LNPEP: variants seen among roughly 807,000 people sequenced by gnomAD.
LNPEP encodes leucyl-cystinyl aminopeptidase.
LNPEP carries 64 observed loss-of-function variants against 120.6 expected under a neutral mutation model. The ratio of observed to expected loss-of-function variants is 0.53; its 90% confidence interval spans 0.43 to 0.65. The LOEUF (loss-of-function observed/expected upper bound fraction) is 0.65. Among genes scored for constraint, LNPEP ranks in the 30% least tolerant of loss-of-function variants. The pLI is 0.00. For missense variants in LNPEP, 1,057 were observed against 1,200.0 expected (o/e 0.88, Z 1.76); for synonymous variants, 435 against 425.4 (o/e 1.02, Z -0.28).
intron 1 of LNPEP, among the ~76,000 whole-genome samples, chr5:96,972,882 AAGTC>A (rs1789903472): frequency 6.6e-6 from 1 of 152,092 alleles, no homozygotes; most frequent in Non-Finnish European, 1.5e-5. Flanking sequence ...AAGGGAGACA[AAGTC>A]AGGGTGAGGG....
chr5:97,034,649 GT>G lies in LNPEP; in HGVS notation c.*6120del, dbSNP rs1372848345. 6.6e-6 allele frequency: 1 copy of G among 152,028 alleles called. No individual in the cohort carries two copies. Among genetic ancestry groups the G allele is most frequent in the African/African-American group, 2.4e-5 (1 of 41,398 alleles). 9.4% of individuals were successfully genotyped at this position (152,028 alleles called of 1,614,324 possible). The stretch of plus-strand genomic sequence containing the variant: ...AGTATGTGAGCACTACAGGGCTTGG[GT>G]TTTGGTTTTTTGCTTTTGAGGGTTT... On this transcript the variant is annotated 3_prime_UTR_variant, in exon 18 of 18. Coordinates refer to ENST00000231368, the MANE Select transcript of LNPEP (RefSeq NM_005575.3).
chr5:97,031,742 T>C lies in LNPEP; in HGVS notation c.*3209T>C, dbSNP rs1455872805. 5.9e-5 allele frequency: 9 copies of C among 152,324 alleles called. No homozygotes were observed. The highest frequency in any genetic ancestry group is 2.9e-5 in the Non-Finnish European group (2 of 68,092). 9.4% of individuals were successfully genotyped at this position (152,324 alleles called of 1,614,324 possible). A position where few individuals can be genotyped will look rare whatever the true frequency, so the allele number is the denominator to read the frequency against. On this transcript the variant is annotated 3_prime_UTR_variant, in exon 18 of 18. Transcript: ENST00000231368. ...CCCATCTCTACTAAAAATATAAAAA[T>C]TAGCTGGGCATGGTGGTGCACACCT...
chr5:97,008,524 G>A (rs1790846155), intron 11 of LNPEP, among the ~76,000 whole-genome samples: 1 of 150,402 alleles, frequency 6.6e-6, no homozygotes, highest in African/African-American at 2.4e-5. Flanking sequence ...CTTAATTTTT[G>A]TATTTTTTGT....
intron 1 of LNPEP, among the ~76,000 whole-genome samples, chr5:96,968,002 C>CT (rs1321368188): frequency 6.6e-6 from 1 of 152,070 alleles, no homozygotes; most frequent in Admixed American, 6.6e-5. Context: ...CTATCCTCAA[C>CT]TTCTAATTCT....
intron 15 of LNPEP, among the ~76,000 whole-genome samples, chr5:97,025,942 C>G (rs890270747): frequency 1.3e-5 from 2 of 152,080 alleles, no homozygotes; most frequent in African/African-American, 2.4e-5. Context: ...CTGCCACAGT[C>G]TTGGAGTGGG....
At chr5:96,985,019 G>A in intron 2 of LNPEP, 61 bp from the exon 3 acceptor site, 1 of 1,560,638 alleles carries the variant, frequency 6.4e-7, no homozygotes, top group South Asian at 1.2e-5. Flanking sequence ...AGTATACTTG[G>A]CAGGGTGCCT....
intron 1 of LNPEP, chr5:96,943,138 C>A: frequency 2.0e-6 from 1 of 500,422 alleles, no homozygotes; most frequent in Non-Finnish European, 3.0e-6. Context: ...AGATTACTTC[C>A]ATCATTATTG....
At chr5:97,000,843 A>T (rs1418060040) in intron 8 of LNPEP, among the ~76,000 whole-genome samples, 2 of 152,138 alleles carry the variant, frequency 1.3e-5, no homozygotes, top group Admixed American at 1.3e-4. Flanking sequence ...TCAAACCTGG[A>T]ACTGGTCTTG....
rs763614638 is a variant in LNPEP at position 96,997,998 on chromosome 5, T to C, written c.1522-16T>C. The C allele has an allele frequency of 7.3e-5, 111 of 1,524,578 alleles. No homozygotes were observed. Among genetic ancestry groups the C allele is most frequent in the Non-Finnish European group, 9.9e-5 (111 of 1,118,942 alleles). 94.4% of individuals were successfully genotyped at this position (1,524,578 alleles called of 1,614,324 possible). On this transcript the variant is annotated splice_polypyrimidine_tract_variant and intron_variant, in intron 7 of 17. Coordinates refer to ENST00000231368, the MANE Select transcript of LNPEP (RefSeq NM_005575.3). ...GATACTACTTGTGATATTCTAATCTTTTCATTTTTTGACAGTATGAAGATT... is the reference window on the plus strand; with the variant it reads ...GATACTACTTGTGATATTCTAATCTCTTCATTTTTTGACAGTATGAAGATT...
chr5:97,008,441 C>G (rs1790844699), intron 11 of LNPEP, among the ~76,000 whole-genome samples: 1 of 136,154 alleles, frequency 7.3e-6, no homozygotes, highest in Non-Finnish European at 1.5e-5. Context: ...GCCTCAAACC[C>G]CTGGGTTCAA....
chr5:97,010,399 A>G (rs1790897579), intron 11 of LNPEP: 1 of 984,752 alleles, frequency 1.0e-6, no homozygotes, highest in Non-Finnish European at 1.2e-6. Context: ...TAATTAAAAT[A>G]TTTATCATGT....
chr5:96,970,983 G>A (rs1441662067), intron 1 of LNPEP, among the ~76,000 whole-genome samples: 2 of 152,082 alleles, frequency 1.3e-5, no homozygotes, highest in East Asian at 1.9e-4. Flanking sequence ...CTGAGTTTCC[G>A]TCTGGTAGTA....
Position 97,032,526 on chromosome 5 carries a change from A to T in LNPEP, c.*3993A>T, listed in dbSNP as rs1349787623. On this transcript the variant is annotated 3_prime_UTR_variant, in exon 18 of 18. Transcript: ENST00000231368. Reference sequence around the variant, plus strand: ...TAGTTTTTATATTATTTCATTTTGTATATTTTTTTCCTGATGAAGAGTGAT... The same window carrying T: ...TAGTTTTTATATTATTTCATTTTGTTTATTTTTTTCCTGATGAAGAGTGAT... 6.6e-6 allele frequency: 1 copy of T among 152,086 alleles called. No homozygotes were observed. Among genetic ancestry groups the T allele is most frequent in the African/African-American group, 2.4e-5 (1 of 41,388 alleles). 9.4% of individuals were successfully genotyped at this position (152,086 alleles called of 1,614,324 possible). A position where few individuals can be genotyped will look rare whatever the true frequency, so the allele number is the denominator to read the frequency against.
Position 96,936,084 on chromosome 5 carries a change from A to AC in LNPEP, c.-72_-71insC. ...GAGGCCGCGCTGGGCATGCTCAGTC[A>AC]GCTGGGCCGCCTCAGCTCTCGGAGT... On this transcript the variant is annotated 5_prime_UTR_variant, in exon 1 of 18. Transcript: ENST00000231368. The AC allele has an allele frequency of 6.7e-7, 1 of 1,497,824 alleles. No homozygotes were observed. The highest frequency in any genetic ancestry group is 1.2e-5 in the South Asian group (1 of 82,174). The allele number at this position is 1,497,824 out of a possible 1,614,324, so 92.8% of individuals were successfully genotyped here.
rs2112678073 is a variant in LNPEP at position 97,028,708 on chromosome 5, C to G, written c.*175C>G. On this transcript the variant is annotated 3_prime_UTR_variant, in exon 18 of 18. Transcript: ENST00000231368. ...TTTTCATCCATCTTTTCTGAAGTGT[C>G]TTTGGGCAGTATGTAGTTATTTATT... 1.7e-6 allele frequency: 1 copy of G among 594,380 alleles called. No homozygotes were observed. Among genetic ancestry groups the G allele is most frequent in the East Asian group, 3.0e-5 (1 of 33,528 alleles). The allele number at this position is 594,380 out of a possible 1,614,324, so 36.8% of individuals were successfully genotyped here. A position where few individuals can be genotyped will look rare whatever the true frequency, so the allele number is the denominator to read the frequency against.
chr5:96,980,309 G>A (rs756139686), intron 2 of LNPEP, among the ~76,000 whole-genome samples: 2 of 152,110 alleles, frequency 1.3e-5, no homozygotes, highest in Non-Finnish European at 2.9e-5. Flanking sequence ...GCAGAGTAAA[G>A]AGGAGTTATT....
intron 4 of LNPEP, among the ~76,000 whole-genome samples, chr5:96,991,321 C>T (rs1790384550): frequency 6.6e-6 from 1 of 152,092 alleles, no homozygotes; most frequent in Admixed American, 6.6e-5. Context: ...TGATCAATCC[C>T]AGTAGTGGGA....
intron 3 of LNPEP, among the ~76,000 whole-genome samples, chr5:96,986,110 A>C (rs1016536582): frequency 1.3e-5 from 2 of 152,122 alleles, no homozygotes; most frequent in Non-Finnish European, 2.9e-5. Context: ...GGGGTCCTCA[A>C]CATGGCACCC....
intron 1 of LNPEP, among the ~76,000 whole-genome samples, chr5:96,952,737 A>G (rs1471369924): frequency 6.6e-6 from 1 of 151,878 alleles, no homozygotes; most frequent in Non-Finnish European, 1.5e-5. Context: ...TTTTTTGTTT[A>G]TATCCAAAGG....
Sources: gnomAD v4.1 joint callset for allele counts (sites outside exome capture counted in the v4.1 genomes callset) on GRCh38, gnomAD v4.1.1 for gene constraint, MANE v1.5 for transcripts, NCBI Gene and HGNC (gene_info 2026-07-23, HGNC 2026-07-21) for gene names.